The following DAB1 variants were observed in gnomAD, a reference collection of about 807,000 sequenced individuals.
DAB1 encodes the protein DAB adaptor protein 1, also known as disabled homolog 1.
DAB1 carries 15 observed loss-of-function variants against 64.6 expected under a neutral mutation model. The ratio of observed to expected loss-of-function variants is 0.23; its 90% CI spans 0.16 to 0.36. The LOEUF (loss-of-function observed/expected upper bound fraction) is 0.36. Ranked by LOEUF, DAB1 falls within the 10% of genes least tolerant of loss-of-function variation. The pLI is 1.00. For missense variants in DAB1, 596 were observed against 706.7 expected, an observed-to-expected ratio of 0.84 and a Z score of 1.78; for synonymous variants, 235 against 251.9, an observed-to-expected ratio of 0.93 and a Z score of 0.64.
intron 7 of DAB1, among the ~76,000 whole-genome samples, chr1:57,496,223 C>T (rs183671600): frequency 6.6e-6 from 1 of 152,270 alleles, no homozygotes; most frequent in East Asian, 1.9e-4. Flanking sequence ...TCCTTACCTC[C>T]CCACCCTGCC....
intron 14 of DAB1, among the ~76,000 whole-genome samples, chr1:57,004,489 T>C (rs1645991580): frequency 6.6e-6 from 1 of 152,174 alleles, no homozygotes; most frequent in African/African-American, 2.4e-5. Context: ...GCTTGCTGAG[T>C]GAGCCTACTT....
chr1:57,738,844 G>C (rs537763892), intron 6 of DAB1, among the ~76,000 whole-genome samples: 1 of 152,188 alleles, frequency 6.6e-6, no homozygotes, highest in Non-Finnish European at 1.5e-5. Flanking sequence ...TTAGGTTCAA[G>C]GAATTGTTCA....
upstream of DAB1, among the ~76,000 whole-genome samples, chr1:57,427,659 T>G (rs552696148): frequency 5.9e-5 from 9 of 152,320 alleles, no homozygotes; most frequent in African/African-American, 1.7e-4. Flanking sequence ...GTAATAAAAT[T>G]TTATGCTGTA....
chr1:57,727,726 C>CTCCTTCCT (rs544033691), intron 6 of DAB1, among the ~76,000 whole-genome samples: 8,346 of 137,088 alleles, frequency 0.061, 917 homozygotes, highest in African/African-American at 0.21. Context: ...CCTTCCTTCT[C>CTCCTTCCT]TCCTTCCTTC....
rs1221967607 is a variant in DAB1, at chr1:58,048,686, C to G, written n.387+101825G>C. 2.0e-5 allele frequency: 27 copies of G among 1,320,658 alleles called. No individual in the cohort carries two copies. In the African/African-American group the frequency reaches 2.5e-4, roughly 12 times the overall value. The allele number at this position is 1,320,658 out of a possible 1,614,324, so 81.8% of individuals were successfully genotyped here. On this transcript the variant is annotated intron_variant and non_coding_transcript_variant, in intron 5 of 20. Transcript: ENST00000485760. ...ACTGAAACCACCTCCACGACCACCA[C>G]CAAAGTTTCCAGAACCACTTCACCT...
chr1:58,263,482 T>C (rs1661095479), intron 4 of DAB1, among the ~76,000 whole-genome samples: 2 of 151,976 alleles, frequency 1.3e-5, no homozygotes, highest in African/African-American at 4.8e-5. Context: ...GTCTGCCCAA[T>C]GTCAGAGCTT....
At chr1:58,191,964 C>T (rs958264296) in intron 4 of DAB1, among the ~76,000 whole-genome samples, 2 of 152,226 alleles carry the variant, frequency 1.3e-5, no homozygotes, top group Non-Finnish European at 2.9e-5. Flanking sequence ...TCATGTCTAA[C>T]ACCACCTTTG....
At chr1:57,007,822 T>A (rs553929106) in intron 14 of DAB1, among the ~76,000 whole-genome samples, 16 of 152,330 alleles carry the variant, frequency 1.1e-4, no homozygotes, top group African/African-American at 3.8e-4. Context: ...CCCTGCATGG[T>A]CTCTCTTCTC....
At chr1:57,531,734 A>G (rs1481840902) in intron 7 of DAB1, among the ~76,000 whole-genome samples, 1 of 152,192 alleles carries the variant, frequency 6.6e-6, no homozygotes, top group East Asian at 1.9e-4. Context: ...TGTGCTGGTA[A>G]AATTTAACAA....
At chr1:58,306,958 G>A (rs1475260) in intron 4 of DAB1, among the ~76,000 whole-genome samples, 2 of 152,130 alleles carry the variant, frequency 1.3e-5, no homozygotes, top group African/African-American at 2.4e-5. Context: ...CAGAAAATTT[G>A]TATGCCCATT....
chr1:58,439,328 TC>T (rs1283783525), intron 3 of DAB1, among the ~76,000 whole-genome samples: 4 of 152,122 alleles, frequency 2.6e-5, no homozygotes, highest in African/African-American at 9.7e-5. Context: ...GAATACTGCT[TC>T]TCTGTACTCC....
chr1:57,301,338 A>G (rs1264856611), intron 1 of DAB1, among the ~76,000 whole-genome samples: 1 of 152,136 alleles, frequency 6.6e-6, no homozygotes, highest in East Asian at 1.9e-4. Context: ...ACGGATTCTA[A>G]AGGGGCACCT....
chr1:57,752,436 T>C (rs998951190), intron 6 of DAB1, among the ~76,000 whole-genome samples: 2 of 152,248 alleles, frequency 1.3e-5, no homozygotes, highest in Non-Finnish European at 2.9e-5. Flanking sequence ...GCTTTTATGC[T>C]TTATAACAGA....
intron 2 of DAB1, among the ~76,000 whole-genome samples, chr1:57,253,236 G>A (rs919509863): frequency 6.6e-6 from 1 of 152,210 alleles, no homozygotes; most frequent in Non-Finnish European, 1.5e-5. Context: ...CGGAAGGGTA[G>A]CACTGTCCTC....
chr1:57,609,114 C>T (rs925718678), intron 7 of DAB1, among the ~76,000 whole-genome samples: 6 of 152,132 alleles, frequency 3.9e-5, no homozygotes, highest in African/African-American at 1.4e-4. Flanking sequence ...CAGCATGGCC[C>T]CAATAGGCAT....
chr1:58,074,666 C>A (rs1397585487), intron 5 of DAB1, among the ~76,000 whole-genome samples: 5 of 148,872 alleles, frequency 3.4e-5, no homozygotes, highest in African/African-American at 1.2e-4. Flanking sequence ...AACTTTATGC[C>A]AACAAGTAAA....
At chr1:57,688,105 A>G (rs1646722548) in intron 6 of DAB1, among the ~76,000 whole-genome samples, 1 of 152,218 alleles carries the variant, frequency 6.6e-6, no homozygotes, top group Admixed American at 6.5e-5. Context: ...AGCAAAAGAA[A>G]CTATCAACAG....
At chr1:58,520,118 C>A (rs1014597164) in intron 2 of DAB1, among the ~76,000 whole-genome samples, 1 of 152,004 alleles carries the variant, frequency 6.6e-6, no homozygotes, top group South Asian at 2.1e-4. Flanking sequence ...AGGAGGGGAG[C>A]AAGGGTTGAA....
chr1:57,299,504 A>C (rs1230287956), intron 1 of DAB1, among the ~76,000 whole-genome samples: 1 of 152,248 alleles, frequency 6.6e-6, no homozygotes, highest in East Asian at 1.9e-4. Flanking sequence ...ATTTGACAGC[A>C]ACATGGCATA....
Sources: allele counts gnomAD v4.1 joint callset (sites outside exome capture counted in the v4.1 genomes callset), GRCh38; gene constraint gnomAD v4.1.1; transcripts MANE v1.5; gene names NCBI Gene and HGNC (gene_info 2026-07-23, HGNC 2026-07-21).